Variants in BNC2 observed in about 807,000 individuals in gnomAD.
The protein encoded by BNC2 is zinc finger protein basonuclin-2.
A neutral mutation model predicts 76.3 loss-of-function variants in BNC2; 20 were observed. The ratio of observed to expected loss-of-function variants is 0.26; its 90% confidence interval spans 0.18 to 0.38. The LOEUF (loss-of-function observed/expected upper bound fraction) is 0.38, where lower values mean the gene tolerates loss of function less well. BNC2 is among the 10% of genes least tolerant of loss of function. The pLI is 1.00. For synonymous variants in BNC2, 582 were observed against 514.8 expected (o/e 1.13, Z -1.77); for missense variants, 1,382 against 1,399.8 (o/e 0.99, Z 0.20).
At chr9:16,785,893 T>C (rs776002022) in intron 1 of BNC2, among the ~76,000 whole-genome samples, 3 of 152,048 alleles carry the variant, frequency 2.0e-5, no homozygotes, top group Non-Finnish European at 4.4e-5. Flanking sequence ...CTGGGGCCTT[T>C]TCCCAGGGCC....
At chr9:16,664,237 G>T (rs1479098935) in intron 3 of BNC2, among the ~76,000 whole-genome samples, 1 of 152,110 alleles carries the variant, frequency 6.6e-6, no homozygotes, top group Non-Finnish European at 1.5e-5. Context: ...ACATACTTCA[G>T]AGTCCCAAGG....
intron 5 of BNC2, among the ~76,000 whole-genome samples, chr9:16,486,574 T>G (rs956107866): frequency 6.6e-6 from 1 of 152,238 alleles, no homozygotes; most frequent in African/African-American, 2.4e-5. Context: ...AATTTTCAGC[T>G]TTTCAGCAAA....
chr9:16,527,411 G>A (rs1293416387), intron 5 of BNC2, among the ~76,000 whole-genome samples: 1 of 152,142 alleles, frequency 6.6e-6, no homozygotes, highest in Non-Finnish European at 1.5e-5. Flanking sequence ...GCACTGTTTT[G>A]CGGTCTAAAT....
intron 1 of BNC2, among the ~76,000 whole-genome samples, chr9:16,811,393 A>G (rs1356515477): frequency 6.6e-6 from 1 of 151,352 alleles, no homozygotes; most frequent in African/African-American, 2.4e-5. Flanking sequence ...TCTACTAAAA[A>G]TACCAAAAAT....
At chr9:16,507,162 A>T (rs1461864092) in intron 5 of BNC2, among the ~76,000 whole-genome samples, 2 of 145,558 alleles carry the variant, frequency 1.4e-5, no homozygotes, top group Non-Finnish European at 3.0e-5. Context: ...TGTACATAGT[A>T]TTTTCTACCA....
chr9:16,528,035 C>T (rs921880523), intron 5 of BNC2, among the ~76,000 whole-genome samples: 1 of 152,100 alleles, frequency 6.6e-6, no homozygotes, highest in South Asian at 2.1e-4. Flanking sequence ...ATGCCAAATG[C>T]ATCTTGTATT....
intron 1 of BNC2, among the ~76,000 whole-genome samples, chr9:16,808,163 C>G (rs2135814749): frequency 6.6e-6 from 1 of 152,186 alleles, no homozygotes; most frequent in South Asian, 2.1e-4. Flanking sequence ...AGACGTATTT[C>G]AATATTCAAC....
chr9:16,688,656 A>G (rs1823051381), intron 3 of BNC2, among the ~76,000 whole-genome samples: 1 of 152,228 alleles, frequency 6.6e-6, no homozygotes, highest in African/African-American at 2.4e-5. Flanking sequence ...GTATGATTGT[A>G]TATGTTGCTT....
At chr9:16,759,725 ATTTTTT>A (rs35836794) in intron 1 of BNC2, among the ~76,000 whole-genome samples, 1 of 141,414 alleles carries the variant, frequency 7.1e-6, no homozygotes, top group African/African-American at 2.6e-5. Flanking sequence ...GACATAAACT[ATTTTTT>A]TTTTTTTTTT....
chr9:16,737,498 C>A (rs1458443505), intron 2 of BNC2, among the ~76,000 whole-genome samples: 1 of 150,816 alleles, frequency 6.6e-6, no homozygotes, highest in African/African-American at 2.4e-5. Flanking sequence ...GATCCACCCA[C>A]CTCAGCCTCC....
intron 3 of BNC2, among the ~76,000 whole-genome samples, chr9:16,647,773 T>C (rs1245169144): frequency 2.6e-5 from 4 of 152,158 alleles, no homozygotes; most frequent in Non-Finnish European, 4.4e-5. Context: ...AGAAAATAAA[T>C]ATTAAATATG....
At chr9:16,525,419 G>T (rs913289333) in intron 5 of BNC2, among the ~76,000 whole-genome samples, 2 of 151,854 alleles carry the variant, frequency 1.3e-5, no homozygotes. Flanking sequence ...GATTTACAAC[G>T]CAATAGAAAT....
chr9:16,512,593 C>T (rs1187341074), intron 5 of BNC2, among the ~76,000 whole-genome samples: 1 of 152,142 alleles, frequency 6.6e-6, no homozygotes, highest in Admixed American at 6.5e-5. Context: ...AATAAAACTA[C>T]TTTGTTGTTT....
intron 3 of BNC2, among the ~76,000 whole-genome samples, chr9:16,675,044 T>C (rs1397436037): frequency 6.6e-6 from 1 of 152,176 alleles, no homozygotes; most frequent in Non-Finnish European, 1.5e-5. Flanking sequence ...TTCCATTTCT[T>C]AGCATCAAGC....
Position 16,847,729 on chromosome 9 carries a change from C to T in BNC2, c.3+22917G>A, listed in dbSNP as rs76531680. Among the ~76,000 whole-genome samples the T allele has an allele frequency of 2.8e-3, 421 of 152,256 alleles. 1 individual carries two copies. Among genetic ancestry groups the T allele is most frequent in the African/African-American group, 9.4e-3 (392 of 41,548 alleles). On this transcript the variant is annotated intron_variant, in intron 1 of 6. Coordinates refer to ENST00000380672, the MANE Select transcript of BNC2 (RefSeq NM_017637.6). ...CTATTGAATAAATCCACAAGTAAAT[C>T]ATGATCCAGTTAGGATCATTTATTC...
At chr9:16,493,777 T>C (rs1822327204) in intron 5 of BNC2, among the ~76,000 whole-genome samples, 1 of 152,192 alleles carries the variant, frequency 6.6e-6, no homozygotes, top group African/African-American at 2.4e-5. Context: ...CAGAGGTGAC[T>C]TCTGAGCCAT....
intron 5 of BNC2, among the ~76,000 whole-genome samples, chr9:16,485,732 C>T (rs115404789): frequency 0.017 from 2,562 of 152,188 alleles, 73 homozygotes; most frequent in African/African-American, 0.058. Context: ...CTGCTTGAGC[C>T]CACGAGGGCG....
At chr9:16,500,401 A>G (rs1458021986) in intron 5 of BNC2, among the ~76,000 whole-genome samples, 1 of 152,138 alleles carries the variant, frequency 6.6e-6, no homozygotes, top group Non-Finnish European at 1.5e-5. Context: ...TTGTCTCGGG[A>G]ACCATATGAA....
rs1466583305 is a variant in BNC2 at position 16,413,533 on chromosome 9, C to A, written c.*5456G>T. 1 of 151,928 alleles carries A rather than the reference C, an allele frequency of 6.6e-6. No individual in the cohort carries two copies. Among genetic ancestry groups the A allele is most frequent in the Non-Finnish European group, 1.5e-5 (1 of 67,984 alleles). 9.4% of individuals were successfully genotyped at this position (151,928 alleles called of 1,614,324 possible). On this transcript the variant is annotated 3_prime_UTR_variant, in exon 7 of 7. Coordinates refer to ENST00000380672, the MANE Select transcript of BNC2 (RefSeq NM_017637.6). The stretch of plus-strand genomic sequence containing the variant: ...AATGAGCACAGAAAATCATTTTGCG[C>A]AAGATGTGGGAAGGATGAGGATGAT...
Sources: gnomAD v4.1 joint callset for allele counts (sites outside exome capture counted in the v4.1 genomes callset) on GRCh38, gnomAD v4.1.1 for gene constraint, MANE v1.5 for transcripts, NCBI Gene and HGNC (gene_info 2026-07-23, HGNC 2026-07-21) for gene names.